The following TRAPPC9 variants were observed in gnomAD, a reference collection of about 807,000 sequenced individuals.
TRAPPC9 encodes the protein IKK2 binding protein.
TRAPPC9 carries 83 observed loss-of-function variants against 124.0 expected under a neutral mutation model. The observed-to-expected ratio is 0.67, with a 90% CI of 0.56 to 0.80. TRAPPC9 has a LOEUF of 0.80. Ranked by LOEUF, TRAPPC9 falls within the 30% of genes least tolerant of loss-of-function variation. TRAPPC9 has a pLI of 0.00. For synonymous variants in TRAPPC9, 638 were observed against 617.5 expected (o/e 1.03, Z -0.49); for missense variants, 1,302 against 1,508.3 (o/e 0.86, Z 2.27).
chr8:140,179,215 T>C (rs2062144974), intron 17 of TRAPPC9, among the ~76,000 whole-genome samples: 1 of 152,184 alleles, frequency 6.6e-6, no homozygotes, highest in South Asian at 2.1e-4. Flanking sequence ...CATCTATGGC[T>C]ACAAATTTCC....
chr8:139,801,440 A>G (rs4736097), intron 21 of TRAPPC9, among the ~76,000 whole-genome samples: 20,528 of 152,224 alleles, frequency 0.13, 1,682 homozygotes, highest in East Asian at 0.27. Flanking sequence ...TCTGGGGCCC[A>G]GGGAGCCCAT....
chr8:139,982,117 G>A (rs573176394), intron 19 of TRAPPC9, among the ~76,000 whole-genome samples: 5 of 151,572 alleles, frequency 3.3e-5, no homozygotes, highest in Non-Finnish European at 5.9e-5. Context: ...CACAATTGTC[G>A]TATCTTAATT....
intron 7 of TRAPPC9, among the ~76,000 whole-genome samples, chr8:140,376,451 G>A (rs2132266623): frequency 6.6e-6 from 1 of 151,504 alleles, no homozygotes; most frequent in African/African-American, 2.4e-5. Flanking sequence ...AGCTACTTGG[G>A]AGGCTGAGGC....
intron 17 of TRAPPC9, among the ~76,000 whole-genome samples, chr8:140,217,385 T>C (rs1278649924): frequency 1.3e-5 from 2 of 152,092 alleles, no homozygotes; most frequent in African/African-American, 2.4e-5. Flanking sequence ...AAGTAAACTC[T>C]GTGAGGGACT....
At chr8:140,319,699 C>G (rs1386980279) in intron 9 of TRAPPC9, among the ~76,000 whole-genome samples, 1 of 149,614 alleles carries the variant, frequency 6.7e-6, no homozygotes, top group African/African-American at 2.5e-5. Context: ...AATTCTGGGA[C>G]TCAAGTGATC....
chr8:140,100,091 G>T (rs1218200886), intron 17 of TRAPPC9: 5 of 150,200 alleles, frequency 3.3e-5, no homozygotes, highest in African/African-American at 7.4e-5. Flanking sequence ...CGGGTCCTCC[G>T]CAGCCAAGAG....
intron 21 of TRAPPC9, among the ~76,000 whole-genome samples, chr8:139,846,006 G>A (rs1827051717): frequency 6.6e-6 from 1 of 152,246 alleles, no homozygotes; most frequent in South Asian, 2.1e-4. Flanking sequence ...AGGATGTGGG[G>A]ACTGGGAAGC....
At chr8:140,395,653 C>G (rs571004174) in intron 7 of TRAPPC9, among the ~76,000 whole-genome samples, 14 of 152,322 alleles carry the variant, frequency 9.2e-5, no homozygotes, top group African/African-American at 3.4e-4. Flanking sequence ...AATGCGGCAA[C>G]ATTTCAACAT....
intron 10 of TRAPPC9, among the ~76,000 whole-genome samples, chr8:140,309,373 G>A (rs1053855439): frequency 1.3e-5 from 2 of 152,184 alleles, no homozygotes; most frequent in Admixed American, 6.5e-5. Flanking sequence ...TCTCTACCAC[G>A]GCCACACACA....
chr8:140,430,018 G>T (rs1236045065), intron 4 of TRAPPC9, among the ~76,000 whole-genome samples: 1 of 145,374 alleles, frequency 6.9e-6, no homozygotes, highest in African/African-American at 2.6e-5. Flanking sequence ...GAGGTGGCAG[G>T]CGCCTGTAAT....
At chr8:140,165,660 A>G (rs1473354071) in intron 17 of TRAPPC9, among the ~76,000 whole-genome samples, 2 of 149,432 alleles carry the variant, frequency 1.3e-5, no homozygotes, top group African/African-American at 2.5e-5. Flanking sequence ...GGAAGGAGGG[A>G]AGGGAAGGGA....
Position 140,252,674 on chromosome 8 carries a change from G to C in TRAPPC9, c.2431+103C>G. The C allele has an allele frequency of 7.2e-7, 1 of 1,390,926 alleles. No individual in the cohort carries two copies. Among genetic ancestry groups the C allele is most frequent in the Non-Finnish European group, 1.0e-6 (1 of 992,160 alleles). 86.2% of individuals were successfully genotyped at this position (1,390,926 alleles called of 1,614,324 possible). A position where few individuals can be genotyped will look rare whatever the true frequency, so the allele number is the denominator to read the frequency against. On this transcript the variant is annotated intron_variant, in intron 16 of 22. Coordinates refer to ENST00000438773, the MANE Select transcript of TRAPPC9 (RefSeq NM_001160372.4). This position sits in a 1 kb window ranked among gnomAD's most constrained non-coding sequence, Gnocchi z 4.2. ...TCTCAGGCAGCTTGAGTTAATGAAT[G>C]ACAAGTGAGTTACAAACAGCAAACA...
At chr8:139,865,999 T>C (rs1828508735) in intron 21 of TRAPPC9, among the ~76,000 whole-genome samples, 1 of 141,276 alleles carries the variant, frequency 7.1e-6, no homozygotes, top group Non-Finnish European at 1.5e-5. Context: ...GGCATGACAA[T>C]TCCAAAGGGG....
chr8:140,372,519 A>G (rs1404778294), intron 7 of TRAPPC9, among the ~76,000 whole-genome samples: 2 of 152,134 alleles, frequency 1.3e-5, no homozygotes, highest in African/African-American at 4.8e-5. Flanking sequence ...GGTTCCTGAG[A>G]CATGGCTCAG....
intron 21 of TRAPPC9, among the ~76,000 whole-genome samples, chr8:139,863,770 C>T (rs1320190729): frequency 6.6e-6 from 1 of 152,250 alleles, no homozygotes; most frequent in African/African-American, 2.4e-5. Context: ...CTCATCCCCA[C>T]TGGCTGTGTC....
chr8:140,433,782 T>C (rs2070728759), intron 4 of TRAPPC9, among the ~76,000 whole-genome samples: 1 of 152,186 alleles, frequency 6.6e-6, no homozygotes, highest in Non-Finnish European at 1.5e-5. Context: ...GAATAGGATC[T>C]AGAGGCAAAG....
At position 140,311,294 on chromosome 8, in the gene TRAPPC9, C is replaced by T. The variant is rs773583681; in HGVS notation, c.1576G>A (p.Gly526Ser). The part of the protein sequence containing the change: ...GTMEPIALPG[G>S]LTLPPVPFTK... ...AAGGGCACCGGTGGCAGGGTGAGGCCGCCAGGGAGGGCGATGGGCTCCATG... is the reference window on the plus strand; with the variant it reads ...AAGGGCACCGGTGGCAGGGTGAGGCTGCCAGGGAGGGCGATGGGCTCCATG... The change falls in exon 10 of 23, where the codon GGC becomes AGC. Residue 526 changes from glycine to serine, a missense_variant. Around this residue, in one of 3 missense-constraint regions of TRAPPC9, gnomAD observed 657 missense variants for 811.2 expected, o/e 0.81. Coordinates refer to ENST00000438773, the MANE Select transcript of TRAPPC9 (RefSeq NM_001160372.4). 6.2e-6 allele frequency: 10 copies of T among 1,613,436 alleles called. No homozygotes were observed. The highest frequency in any genetic ancestry group is 2.7e-5 in the African/African-American group (2 of 74,936).
intron 5 of TRAPPC9, among the ~76,000 whole-genome samples, chr8:140,409,269 G>T (rs140882321): frequency 6.6e-6 from 1 of 151,976 alleles, no homozygotes; most frequent in South Asian, 2.1e-4. Flanking sequence ...CATTTGTCAC[G>T]TATCTAGTTG....
At chr8:139,756,050 G>A (rs1819741352) in intron 21 of TRAPPC9, among the ~76,000 whole-genome samples, 1 of 123,192 alleles carries the variant, frequency 8.1e-6, no homozygotes, top group Non-Finnish European at 1.6e-5. Flanking sequence ...GATTAGGGAT[G>A]AGGACAGCAG....
Sources: gnomAD v4.1 joint callset for allele counts (sites outside exome capture counted in the v4.1 genomes callset) on GRCh38, gnomAD v4.1.1 for gene constraint, gnomAD v4.1.1 regional missense constraint, Gnocchi (gnomAD v3.1) non-coding constraint, MANE v1.5 for transcripts, NCBI Gene and HGNC (gene_info 2026-07-23, HGNC 2026-07-21) for gene names.